CARS2: variants seen among roughly 807,000 people sequenced by gnomAD.
CARS2 encodes probable cysteine--tRNA ligase, mitochondrial.
A neutral mutation model predicts 68.8 loss-of-function variants in CARS2; 52 were observed. The ratio of observed to expected loss-of-function variants is 0.76; its 90% CI spans 0.61 to 0.95. CARS2 has a LOEUF of 0.95. Among genes scored for constraint, CARS2 ranks in the 40% least tolerant of loss-of-function variants. The pLI is 0.00. For synonymous variants in CARS2, 314 were observed against 303.6 expected, an observed-to-expected ratio of 1.03 and a Z score of -0.36; for missense variants, 780 against 754.2, an observed-to-expected ratio of 1.03 and a Z score of -0.40.
At chr13:110,712,557 T>C (rs1207337254) in intron 1 of CARS2, 1 of 257,528 alleles carries the variant, frequency 3.9e-6, no homozygotes, top group Admixed American at 5.3e-5. Context: ...GCGGGGCCGG[T>C]CGCCTAGGCA....
chr13:110,713,279 CGAGT>C, exon 1 of CARS2: 1 of 1,277,582 alleles, frequency 7.8e-7, no homozygotes, highest in Non-Finnish European at 9.9e-7. Context: ...GGCTGAGGAG[CGAGT>C]TGCGGTAGTT....
At chr13:110,712,416 G>A (rs1183411240) in intron 1 of CARS2, 1 of 187,674 alleles carries the variant, frequency 5.3e-6, no homozygotes, top group Non-Finnish European at 1.1e-5. Context: ...GGGACCCGCG[G>A]CGGCCGCAGC....
At chr13:110,682,935 T>C (rs910571315) in intron 6 of CARS2, 116 bp downstream of exon 6, 29 of 588,192 alleles carry the variant, frequency 4.9e-5, no homozygotes, top group Non-Finnish European at 8.0e-5. Context: ...AGCTGTGACC[T>C]GGGTAAGGCC....
At chr13:110,699,826 C>T (rs2063730963) in intron 3 of CARS2, among the ~76,000 whole-genome samples, 1 of 152,272 alleles carries the variant, frequency 6.6e-6, no homozygotes, top group Non-Finnish European at 1.5e-5. Context: ...GTGCGGGGCA[C>T]TGGCCCCCAG....
At chr13:110,701,015 T>C (rs1445571391) in intron 3 of CARS2, among the ~76,000 whole-genome samples, 1 of 152,164 alleles carries the variant, frequency 6.6e-6, no homozygotes, top group Non-Finnish European at 1.5e-5. Context: ...TGGCCACACA[T>C]GGACAATAAG....
chr13:110,706,267 G>A (rs993701834), upstream of CARS2: 2 of 394,934 alleles, frequency 5.1e-6, no homozygotes, highest in Non-Finnish European at 8.3e-6. Flanking sequence ...AGTCGCCCGC[G>A]GCAAGGGTGG....
At position 110,705,018 on chromosome 13, in the gene CARS2, A is replaced by C. The variant is rs1475358414; in HGVS notation, c.275+503T>G. On this transcript the variant is annotated intron_variant, in intron 2 of 14. Transcript: ENST00000257347. This position sits in a 1 kb window ranked among gnomAD's most constrained non-coding sequence, Gnocchi z 4.0. ...GTCATCTTAGGAAAGTTACTCAATC[A>C]CTATTGAGCCCCGTGACATCTCACA... 6.6e-6 allele frequency among the ~76,000 whole-genome samples: 1 copy of C among 152,138 alleles called. No homozygotes were observed. Among genetic ancestry groups the C allele is most frequent in the African/African-American group, 2.4e-5 (1 of 41,422 alleles).
At chr13:110,641,658 G>T in intron 14 of CARS2, 50 bp from the exon 15 acceptor site, 1 of 1,432,702 alleles carries the variant, frequency 7.0e-7, no homozygotes, top group Non-Finnish European at 9.8e-7. Flanking sequence ...ACGTCATGTG[G>T]CACAGGGGGC....
At chr13:110,713,181 T>G in exon 1 of CARS2, 7 of 1,427,104 alleles carry the variant, frequency 4.9e-6, no homozygotes, top group Non-Finnish European at 6.4e-6. Context: ...GTCAAAGTGA[T>G]GTTGGCAAGT....
chr13:110,691,094 C>T (rs538848978), intron 3 of CARS2, among the ~76,000 whole-genome samples: 1 of 152,324 alleles, frequency 6.6e-6, no homozygotes, highest in East Asian at 1.9e-4. Context: ...CAGCTCACTG[C>T]AACCTCCGCC....
rs927610090 is a variant in CARS2 at position 110,670,126 on chromosome 13, C to T, written c.786-2653G>A. On this transcript the variant is annotated intron_variant, in intron 7 of 14. Coordinates refer to ENST00000257347, the MANE Select transcript of CARS2 (RefSeq NM_024537.4). This position sits in a 1 kb window ranked among gnomAD's most constrained non-coding sequence, Gnocchi z 4.1. ...CTGCCCACCTCTGTAGACTCCACCTCTGGGGACAGGGCATAGCTGAACAAA... is the reference window on the plus strand; with the variant it reads ...CTGCCCACCTCTGTAGACTCCACCTTTGGGGACAGGGCATAGCTGAACAAA... Among the ~76,000 whole-genome samples the T allele has an allele frequency of 3.3e-5, 5 of 152,218 alleles. No individual in the cohort carries two copies. The highest frequency in any genetic ancestry group is 4.8e-5 in the African/African-American group (2 of 41,448).
chr13:110,689,977 C>T (rs2063410800), intron 3 of CARS2, among the ~76,000 whole-genome samples: 1 of 152,182 alleles, frequency 6.6e-6, no homozygotes, highest in Non-Finnish European at 1.5e-5. Flanking sequence ...GCCTGTAATC[C>T]TCACACTTTG....
chr13:110,656,318 G>A lies in CARS2; in HGVS notation c.988-5218C>T, dbSNP rs77327905. Among the ~76,000 whole-genome samples, 43 of 152,134 alleles carry A rather than the reference G, an allele frequency of 2.8e-4. No individual in the cohort carries two copies. In the East Asian group the frequency reaches 5.8e-3, roughly 21 times the overall value. On this transcript the variant is annotated intron_variant, in intron 9 of 14. Coordinates refer to ENST00000257347, the MANE Select transcript of CARS2 (RefSeq NM_024537.4). ...ACTCTCAAAAAAGACAAAACAAAAA[G>A]TAAATTGAAAAGGGGAAGAGAGAGA...
At position 110,645,979 on chromosome 13, in the gene CARS2, CCTGAG is replaced by C; in HGVS notation, c.1300_1304del (p.Leu434GlyfsTer7). 6.2e-7 allele frequency: 1 copy of C among 1,613,522 alleles called. No individual in the cohort carries two copies. The highest frequency in any genetic ancestry group is 8.5e-7 in the Non-Finnish European group (1 of 1,179,792). On this transcript the variant is annotated frameshift_variant, in exon 12 of 15. Transcript: ENST00000257347. LOFTEE classifies it high-confidence loss of function. ...TTCGTTGAGCTACCTTCAGGGACGC[CCTGAG>C]CTGTCCATTCCCGTGGTGTGCAAGG...
chr13:110,700,504 A>G (rs1299807521), intron 3 of CARS2, among the ~76,000 whole-genome samples: 1 of 152,216 alleles, frequency 6.6e-6, no homozygotes, highest in East Asian at 1.9e-4. Context: ...TGATGGCCCA[A>G]CGCAGCCAAC....
In CARS2 at chr13:110,670,006, G is replaced by A. The variant is rs1413350084; in HGVS notation, c.786-2533C>T. On this transcript the variant is annotated intron_variant, in intron 7 of 14. Coordinates refer to ENST00000257347, the MANE Select transcript of CARS2 (RefSeq NM_024537.4). This position sits in a 1 kb window ranked among gnomAD's most constrained non-coding sequence, Gnocchi z 4.1. The stretch of plus-strand genomic sequence containing the variant: ...TGAACTGCAAGGCGGCAGCGAGGCT[G>A]GGGGAGGGGCATCTGCCATTGCTGA... 6.6e-6 allele frequency among the ~76,000 whole-genome samples: 1 copy of A among 152,224 alleles called. No homozygotes were observed. Among genetic ancestry groups the A allele is most frequent in the Non-Finnish European group, 1.5e-5 (1 of 68,044 alleles).
At chr13:110,681,964 G>T (rs1012004264) in intron 6 of CARS2, among the ~76,000 whole-genome samples, 4 of 152,160 alleles carry the variant, frequency 2.6e-5, no homozygotes, top group Admixed American at 2.6e-4. Flanking sequence ...TCAGGGCAGT[G>T]CAAGTATCCT....
At chr13:110,646,169 G>GCGTCTCTCCCT in intron 11 of CARS2, 79 bp from the exon 12 acceptor site, 2 of 1,499,282 alleles carry the variant, frequency 1.3e-6, no homozygotes, top group Non-Finnish European at 1.8e-6. Context: ...TCCTTCCCCA[G>GCGTCTCTCCCT]GGAGAGACGC....
At chr13:110,713,502 A>G in exon 1 of CARS2, 1 of 985,752 alleles carries the variant, frequency 1.0e-6, no homozygotes, top group Non-Finnish European at 1.2e-6. Flanking sequence ...CCCCTCCGCG[A>G]CCCTCGCCTC....
Sources: gnomAD v4.1 joint callset for allele counts (sites outside exome capture counted in the v4.1 genomes callset) on GRCh38, gnomAD v4.1.1 for gene constraint, Gnocchi (gnomAD v3.1) non-coding constraint, MANE v1.5 for transcripts, NCBI Gene and HGNC (gene_info 2026-07-23, HGNC 2026-07-21) for gene names.